ABCB5: variants seen among roughly 807,000 people sequenced by gnomAD.
The protein encoded by ABCB5 is ATP binding cassette subfamily B member 5.
A neutral mutation model predicts 144.2 loss-of-function variants in ABCB5; 155 were observed. That is an observed-to-expected ratio of 1.08 (90% CI 0.94 to 1.23). The LOEUF is 1.23. Among genes scored for constraint, ABCB5 ranks in the 50% most tolerant of loss-of-function variants. ABCB5 has a pLI of 0.00. For missense variants in ABCB5, 1,830 were observed against 1,520.8 expected (o/e 1.20, Z -3.38); for synonymous variants, 610 against 528.6 (o/e 1.15, Z -2.11).
rs61384376 is a variant in ABCB5, at chr7:20,755,413, T to C, written c.3577-14T>C. 5.1e-4 allele frequency: 817 copies of C among 1,613,200 alleles called. 2 individuals are homozygous for C. In the African/African-American group the frequency reaches 9.3e-3, roughly 18 times the overall value. On this transcript the variant is annotated splice_polypyrimidine_tract_variant and intron_variant, in intron 27 of 27. Coordinates refer to ENST00000404938, the MANE Select transcript of ABCB5 (RefSeq NM_001163941.2). ...TAACTCAAACTGGTGATCACAGGTC[T>C]TTCTCTCTTCCAGGTGGTTCAGCAT...
chr7:20,662,661 G>A (rs935383063), intron 14 of ABCB5, among the ~76,000 whole-genome samples: 2 of 152,118 alleles, frequency 1.3e-5, no homozygotes, highest in Non-Finnish European at 2.9e-5. Flanking sequence ...GTAACACACA[G>A]ACTACCTCAT....
At chr7:20,731,026 C>A (rs902530872) in intron 23 of ABCB5, among the ~76,000 whole-genome samples, 4 of 151,734 alleles carry the variant, frequency 2.6e-5, no homozygotes, top group African/African-American at 9.7e-5. Context: ...TTCTCTGTCA[C>A]TACTCTTTCT....
At chr7:20,735,567 C>A (rs1782356146) in intron 23 of ABCB5, among the ~76,000 whole-genome samples, 1 of 152,164 alleles carries the variant, frequency 6.6e-6, no homozygotes, top group African/African-American at 2.4e-5. Context: ...GGCTCCTCCC[C>A]AGAGATTATC....
chr7:20,631,929 A>G (rs796285626), intron 4 of ABCB5, 130 bp from the exon 5 acceptor site: 1 of 467,084 alleles, frequency 2.1e-6, no homozygotes, highest in Non-Finnish European at 3.9e-6. Context: ...TGAGATGATA[A>G]TAAACTGCGT....
At chr7:20,730,729 G>A (rs180779501) in intron 23 of ABCB5, among the ~76,000 whole-genome samples, 86 of 152,212 alleles carry the variant, frequency 5.7e-4, no homozygotes, top group African/African-American at 2.0e-3. Flanking sequence ...GCCCCCGTGA[G>A]CCAGTTTTTC....
In ABCB5 at chr7:20,643,581, G is replaced by T. The variant is rs7349983; in HGVS notation, c.627G>T (p.Val209=). The stretch of plus-strand genomic sequence containing the variant: ...TGAAGGGCTGGAAACTCACCCTAGT[G>T]ACTCTATCCACGTCTCCTCTTATAA... ...GLVKGWKLTL[V]TLSTSPLIMA... is the part of the protein sequence containing the mutation. Residue 209 remains valine, a synonymous_variant, in exon 7 of 28, where the codon GTG becomes GTT. Coordinates refer to ENST00000404938, the MANE Select transcript of ABCB5 (RefSeq NM_001163941.2). 0.12 allele frequency: 194,189 copies of T among 1,613,778 alleles called. 12,936 individuals carry two copies. The highest frequency in any genetic ancestry group is 0.13 in the Non-Finnish European group (158,591 of 1,179,784).
At chr7:20,647,402 A>G in intron 9 of ABCB5, 133 bp from the exon 10 acceptor site, 1 of 1,388,410 alleles carries the variant, frequency 7.2e-7, no homozygotes, top group Non-Finnish European at 9.3e-7. Context: ...TTATTTGGTC[A>G]TATCTTCCAT....
rs570529791 is a variant in ABCB5, at chr7:20,726,000, A to G, written c.2626-1040A>G. Among the ~76,000 whole-genome samples, 95 of 152,270 alleles carry G rather than the reference A, an allele frequency of 6.2e-4. 1 individual carries two copies. The highest frequency in any genetic ancestry group is 9.3e-4 in the Non-Finnish European group (63 of 68,022). ...GTGTCTACCTGGTCTTCTCTGTCCC[A>G]CAGTCCATTCTGCCAATCTGGAAAC... On this transcript the variant is annotated intron_variant, in intron 21 of 27. Transcript: ENST00000404938.
intron 23 of ABCB5, among the ~76,000 whole-genome samples, chr7:20,732,938 T>A: frequency 6.6e-6 from 1 of 152,328 alleles, no homozygotes; most frequent in African/African-American, 2.4e-5. Flanking sequence ...TTCCATTACT[T>A]ATGAAAATTG....
intron 20 of ABCB5, among the ~76,000 whole-genome samples, chr7:20,714,118 T>A (rs1446350573): frequency 6.6e-6 from 1 of 152,166 alleles, no homozygotes; most frequent in Non-Finnish European, 1.5e-5. Context: ...TTTGTCTATT[T>A]TTTGTTTGGT....
At chr7:20,680,758 A>G (rs151323427) in intron 14 of ABCB5, among the ~76,000 whole-genome samples, 1 of 152,146 alleles carries the variant, frequency 6.6e-6, no homozygotes, top group Non-Finnish European at 1.5e-5. Context: ...TTAAAAATAT[A>G]TATTACTTTT....
Position 20,628,810 on chromosome 7 carries a change from T to C in ABCB5, c.231T>C (p.Ile77=), listed in dbSNP as rs1276346078. 2 of 1,613,782 alleles carry C rather than the reference T, an allele frequency of 1.2e-6. No homozygotes were observed. The highest frequency in any genetic ancestry group is 1.1e-5 in the South Asian group (1 of 91,074). Residue 77 remains isoleucine, a synonymous_variant, in exon 4 of 28, where the codon ATT becomes ATC. Coordinates refer to ENST00000404938, the MANE Select transcript of ABCB5 (RefSeq NM_001163941.2). ...TAGGAGAAATGAGTGATAACCTTAT[T>C]AGTGGATGTCTAGTCCAAACTAACA... ...LVLGEMSDNL[I]SGCLVQTNTT...
chr7:20,680,994 CTTTCTTTCTTTCTTTCTTTCTTTCTT>C lies in ABCB5; in HGVS notation c.1708-509_1708-484del, dbSNP rs1455294735. Among the ~76,000 whole-genome samples the C allele has an allele frequency of 0.028, 441 of 15,968 alleles. 13 individuals carry two copies. The East Asian group carries it at 0.34, about 12-fold the overall frequency. The allele number at this position is 15,968 out of a possible 152,430, so 10.5% of individuals were successfully genotyped here. A position where few individuals can be genotyped will look rare whatever the true frequency, so the allele number is the denominator to read the frequency against. On this transcript the variant is annotated intron_variant, in intron 14 of 27. Transcript: ENST00000404938. ...TTTTTCTTTCTTTCTTTCTTTCTTT[CTTTCTTTCTTTCTTTCTTTCTTTCTT>C]TCTTTCTTTCTTTCTCTTTCTTTCT...
At chr7:20,740,336 A>G (rs940419477) in intron 24 of ABCB5, among the ~76,000 whole-genome samples, 2 of 152,240 alleles carry the variant, frequency 1.3e-5, no homozygotes, top group Non-Finnish European at 2.9e-5. Context: ...TTTTAAAATA[A>G]AAATAGTCCA....
At chr7:20,658,383 G>C (rs187729906) in intron 13 of ABCB5, 123 bp from the exon 14 acceptor site, 1 of 730,992 alleles carries the variant, frequency 1.4e-6, no homozygotes, top group Non-Finnish European at 2.1e-6. Flanking sequence ...AAAGACATAA[G>C]CACCCAGAGG....
At chr7:20,698,692 G>C in intron 17 of ABCB5, 142 bp downstream of exon 17, 1 of 702,662 alleles carries the variant, frequency 1.4e-6, no homozygotes, top group Non-Finnish European at 2.2e-6. Flanking sequence ...GTGATAGGAA[G>C]GTTAATTAAT....
intron 14 of ABCB5, chr7:20,659,455 A>G (rs1784926184): frequency 1.8e-6 from 2 of 1,090,848 alleles, no homozygotes; most frequent in Non-Finnish European, 2.2e-6. Context: ...TTATGGAACC[A>G]GAAACGGATA....
intron 14 of ABCB5, among the ~76,000 whole-genome samples, chr7:20,669,208 G>C (rs377262656): frequency 6.8e-4 from 98 of 145,082 alleles, no homozygotes; most frequent in African/African-American, 2.4e-3. Context: ...GCCCGGCCAC[G>C]ACCCCGTCTG....
At chr7:20,718,090 T>A (rs1463462381) in intron 20 of ABCB5, among the ~76,000 whole-genome samples, 4 of 150,592 alleles carry the variant, frequency 2.7e-5, no homozygotes, top group African/African-American at 4.9e-5. Flanking sequence ...TTTTTTTTTT[T>A]AGTAGAGACG....
Sources: allele counts gnomAD v4.1 joint callset (sites outside exome capture counted in the v4.1 genomes callset), GRCh38; gene constraint gnomAD v4.1.1; transcripts MANE v1.5; gene names NCBI Gene and HGNC (gene_info 2026-07-23, HGNC 2026-07-21).